The following ZNF704 variants were observed in gnomAD, a reference collection of about 807,000 sequenced individuals.
ZNF704 encodes glucocorticoid induced gene 1.
ZNF704 carries 10 observed loss-of-function variants against 44.7 expected under a neutral mutation model. The ratio of observed to expected loss-of-function variants is 0.22; its 90% CI spans 0.14 to 0.38. The LOEUF is 0.38. ZNF704 is among the 10% of genes least tolerant of loss of function. The probability of loss-of-function intolerance (pLI) is 1.00; values close to 1 mark genes in which losing one functional copy is unlikely to be tolerated. For synonymous variants in ZNF704, 211 were observed against 207.6 expected, an observed-to-expected ratio of 1.02 and a Z score of -0.14; for missense variants, 390 against 545.5, an observed-to-expected ratio of 0.71 and a Z score of 2.84.
intron 2 of ZNF704, among the ~76,000 whole-genome samples, chr8:80,756,770 T>A (rs1324763749): frequency 6.6e-5 from 10 of 152,240 alleles, no homozygotes; most frequent in African/African-American, 2.4e-4. Flanking sequence ...ACAGTGTTCA[T>A]GCATTCACCA....
intron 2 of ZNF704, among the ~76,000 whole-genome samples, chr8:80,769,619 C>A (rs1249357304): frequency 1.3e-5 from 2 of 152,186 alleles, no homozygotes; most frequent in African/African-American, 4.8e-5. Flanking sequence ...CAGTTCCCAA[C>A]AAGTTCCTCA....
At chr8:80,795,099 A>G (rs1331470953) in intron 2 of ZNF704, among the ~76,000 whole-genome samples, 2 of 152,172 alleles carry the variant, frequency 1.3e-5, no homozygotes, top group African/African-American at 4.8e-5. Flanking sequence ...TCCCATCCCA[A>G]TGCCCTCACA....
chr8:80,742,808 C>T (rs1806783274), intron 2 of ZNF704, among the ~76,000 whole-genome samples: 1 of 151,998 alleles, frequency 6.6e-6, no homozygotes, highest in Admixed American at 6.6e-5. Context: ...GCAGTTAGAG[C>T]GGTTGTCGGC....
At chr8:80,882,609 C>T in the ZNF704 span, among the ~76,000 whole-genome samples, 1 of 152,082 alleles carries the variant, frequency 6.6e-6, no homozygotes, top group African/African-American at 2.4e-5. Context: ...CTTTTCCTTT[C>T]TTCATTGAAC....
chr8:80,749,112 A>G (rs1806898434), intron 2 of ZNF704, among the ~76,000 whole-genome samples: 1 of 152,064 alleles, frequency 6.6e-6, no homozygotes. Flanking sequence ...TAACTACTAT[A>G]TAATTTTAAC....
At chr8:80,877,527 T>G (rs941670118), upstream of ZNF704, among the ~76,000 whole-genome samples, 1 of 152,238 alleles carries the variant, frequency 6.6e-6, no homozygotes, top group African/African-American at 2.4e-5. Context: ...CATTGCTGCT[T>G]CTTTCCCCCA....
At chr8:80,881,142 A>G in the ZNF704 span, among the ~76,000 whole-genome samples, 1 of 152,232 alleles carries the variant, frequency 6.6e-6, no homozygotes, top group East Asian at 1.9e-4. Flanking sequence ...GCCAGTTGAA[A>G]CCAGCAATTC....
At chr8:80,779,916 T>C (rs568474509) in intron 2 of ZNF704, among the ~76,000 whole-genome samples, 4 of 150,218 alleles carry the variant, frequency 2.7e-5, no homozygotes, top group African/African-American at 9.7e-5. Flanking sequence ...ATAATATTAA[T>C]ATTATAATAA....
upstream of ZNF704, among the ~76,000 whole-genome samples, chr8:80,875,682 C>T (rs1446914962): frequency 6.6e-6 from 1 of 152,172 alleles, no homozygotes; most frequent in African/African-American, 2.4e-5. Flanking sequence ...TCTTACGCAT[C>T]AAATACCCTG....
At chr8:80,843,977 A>G (rs930749694) in intron 1 of ZNF704, among the ~76,000 whole-genome samples, 10 of 148,128 alleles carry the variant, frequency 6.8e-5, no homozygotes, top group Admixed American at 6.7e-4. Context: ...ATGTGTATAT[A>G]TATATATATA....
intron 1 of ZNF704, among the ~76,000 whole-genome samples, chr8:80,861,452 T>C (rs1486077117): frequency 6.6e-6 from 1 of 152,206 alleles, no homozygotes; most frequent in Non-Finnish European, 1.5e-5. Flanking sequence ...GGTTGCATGC[T>C]AATGGGTACG....
intron 1 of ZNF704, among the ~76,000 whole-genome samples, chr8:80,872,274 A>C (rs1809265332): frequency 6.6e-6 from 1 of 152,208 alleles, no homozygotes. Context: ...AAAAACTATC[A>C]TCCCAAATAA....
In ZNF704 at chr8:80,668,088, C is replaced by T. The variant is rs186381448; in HGVS notation, c.659+2415G>A. Among the ~76,000 whole-genome samples the T allele has an allele frequency of 4.4e-4, 67 of 152,306 alleles. 1 individual carries two copies. Among genetic ancestry groups the T allele is most frequent in the Admixed American group, 3.8e-3 (58 of 15,304 alleles). Reference sequence around the variant, plus strand: ...AAACATAGAACATTATACTTTTCCACAGAAAGTTTTGAGTAAAATAAAATA... The same window carrying T: ...AAACATAGAACATTATACTTTTCCATAGAAAGTTTTGAGTAAAATAAAATA... On this transcript the variant is annotated intron_variant, in intron 5 of 8. Transcript: ENST00000327835.
At chr8:80,865,865 G>C (rs1192024331) in intron 1 of ZNF704, among the ~76,000 whole-genome samples, 4 of 152,072 alleles carry the variant, frequency 2.6e-5, no homozygotes, top group African/African-American at 7.2e-5. Context: ...CTTTCAAGGA[G>C]AGTCTGAACA....
chr8:80,681,155 T>C (rs896626341), intron 4 of ZNF704, among the ~76,000 whole-genome samples: 1 of 152,198 alleles, frequency 6.6e-6, no homozygotes, highest in African/African-American at 2.4e-5. Flanking sequence ...TTTGGGGTGA[T>C]AATGAATAAA....
rs1817719764 is a variant in ZNF704 at position 80,640,092 on chromosome 8, C to T, written c.*1274G>A. 6.6e-6 allele frequency: 1 copy of T among 152,620 alleles called. No individual in the cohort carries two copies. The highest frequency in any genetic ancestry group is 1.5e-5 in the Non-Finnish European group (1 of 68,046). The allele number at this position is 152,620 out of a possible 1,614,324, so 9.5% of individuals were successfully genotyped here. ...CTACTAAACTGAGAAATTCCTATAC[C>T]TACATGCATTTTCCTTTTGGCGTTA... On this transcript the variant is annotated 3_prime_UTR_variant, in exon 9 of 9. Coordinates refer to ENST00000327835, the MANE Select transcript of ZNF704 (RefSeq NM_001033723.3).
chr8:80,768,881 A>C (rs1807272938), intron 2 of ZNF704, among the ~76,000 whole-genome samples: 1 of 152,180 alleles, frequency 6.6e-6, no homozygotes, highest in Admixed American at 6.5e-5. Context: ...TCAAATATTT[A>C]CTAGAACATC....
At chr8:80,775,262 G>T (rs938775233) in intron 2 of ZNF704, among the ~76,000 whole-genome samples, 1 of 152,152 alleles carries the variant, frequency 6.6e-6, no homozygotes, top group Non-Finnish European at 1.5e-5. Context: ...AGGAATTTGC[G>T]GATAAGGCCT....
Position 80,633,756 on chromosome 8 carries a change from A to G in ZNF704, c.*7610T>C, listed in dbSNP as rs1334050535. 1 of 152,218 alleles carries G rather than the reference A, an allele frequency of 6.6e-6. No individual in the cohort carries two copies. The highest frequency in any genetic ancestry group is 1.5e-5 in the Non-Finnish European group (1 of 68,034). 9.4% of individuals were successfully genotyped at this position (152,218 alleles called of 1,614,324 possible). On this transcript the variant is annotated 3_prime_UTR_variant, in exon 9 of 9. Transcript: ENST00000327835. ...GTGTGAACGAGACGTATCTTATTACATACGTGAAAGGGTCAGTGACTATCC... is the reference window on the plus strand; with the variant it reads ...GTGTGAACGAGACGTATCTTATTACGTACGTGAAAGGGTCAGTGACTATCC...
Sources: allele counts gnomAD v4.1 joint callset (sites outside exome capture counted in the v4.1 genomes callset), GRCh38; gene constraint gnomAD v4.1.1; transcripts MANE v1.5; gene names NCBI Gene and HGNC (gene_info 2026-07-23, HGNC 2026-07-21).